Variants in RPS6KA3 observed in about 807,000 individuals in gnomAD.
The protein encoded by RPS6KA3 is ribosomal protein S6 kinase alpha-3.
Under a neutral mutation model 67.2 loss-of-function variants are expected in RPS6KA3, and 4 were observed. The ratio of observed to expected loss-of-function variants is 0.06; its 90% CI spans 0.03 to 0.14. RPS6KA3 has a LOEUF of 0.14. Among genes scored for constraint, RPS6KA3 ranks in the 10% least tolerant of loss-of-function variants. The pLI is 1.00. For synonymous variants in RPS6KA3, 182 were observed against 183.7 expected, an observed-to-expected ratio of 0.99 and a Z score of 0.07; for missense variants, 204 against 559.0, an observed-to-expected ratio of 0.36 and a Z score of 6.40.
intron 17 of RPS6KA3, among the ~76,000 whole-genome samples, 185 bp downstream of exon 17, chrX:20,167,404 C>T (rs1357059064): frequency 9.0e-6 from 1 of 111,554 alleles, no homozygotes; most frequent in Non-Finnish European, 1.9e-5. Flanking sequence ...CATAAACAAG[C>T]TAGGATATCA....
chrX:20,256,172 CAAAAAAAAAA>C (rs35947983), intron 1 of RPS6KA3, among the ~76,000 whole-genome samples: 3 of 14,471 alleles, frequency 2.1e-4, no homozygotes, highest in Admixed American at 2.7e-3. Flanking sequence ...GACACCGTCT[CAAAAAAAAAA>C]AAAAAAAAAA....
rs1225839586 is a variant in RPS6KA3 at position 20,176,327 on chromosome X, G to A, written c.1025C>T (p.Pro342Leu). ...WNKLYRREIH[P>L]PFKPATGRPE... ...CCTGCCCGTTGCAGGTTTAAATGGCGGATGAATTTCTCTTCTATACAGTTT... is the reference window on the plus strand; with the variant it reads ...CCTGCCCGTTGCAGGTTTAAATGGCAGATGAATTTCTCTTCTATACAGTTT... The change falls in exon 13 of 22, where the codon CCG (proline) becomes CTG (leucine). Residue 342 changes from proline to leucine, a missense_variant. Physicochemically the swap from Pro to Leu is moderately conservative, Grantham distance 98. This residue lies in a region of RPS6KA3 where 76 missense variants were observed against 250.3 expected (regional missense o/e 0.30). Coordinates refer to ENST00000379565, the MANE Select transcript of RPS6KA3 (RefSeq NM_004586.3). The A allele has an allele frequency of 8.4e-7, 1 of 1,192,929 alleles. No homozygotes were observed. Among genetic ancestry groups the A allele is most frequent in the Non-Finnish European group, 1.1e-6 (1 of 879,368 alleles).
Position 20,234,711 on chromosome X carries a change from C to T in RPS6KA3, c.126+47G>A, listed in dbSNP as rs1408828217. On this transcript the variant is annotated intron_variant, in intron 2 of 21. Coordinates refer to ENST00000379565, the MANE Select transcript of RPS6KA3 (RefSeq NM_004586.3). The stretch of plus-strand genomic sequence containing the variant: ...CAGCTGAAAAATAATAATAACTTTA[C>T]AGTATTTCATTTATCTATACCCTTT... The T allele has an allele frequency of 9.5e-6, 8 of 844,876 alleles. No homozygotes were observed. The East Asian group carries it at 1.3e-4, about 13-fold the overall frequency. The allele number at this position is 844,876 out of a possible 1,213,427, so 69.6% of individuals were successfully genotyped here.
At chrX:20,256,394 CA>C (rs1229775029) in intron 1 of RPS6KA3, among the ~76,000 whole-genome samples, 2 of 110,112 alleles carry the variant, frequency 1.8e-5, no homozygotes, top group Non-Finnish European at 3.8e-5. Context: ...AAAGAGGATG[CA>C]AAGATAGAGA....
chrX:20,233,964 AATTT>A (rs1422760425), intron 2 of RPS6KA3, among the ~76,000 whole-genome samples: 2 of 112,087 alleles, frequency 1.8e-5, no homozygotes, highest in East Asian at 5.6e-4. Context: ...GGTAGGGAAC[AATTT>A]ATTAATTCAT....
At chrX:20,230,063 C>T (rs2069221480) in intron 2 of RPS6KA3, among the ~76,000 whole-genome samples, 1 of 112,674 alleles carries the variant, frequency 8.9e-6, no homozygotes, top group South Asian at 3.6e-4. Flanking sequence ...ATGAAGTAAA[C>T]TGCCTCAAAT....
Position 20,266,849 on chromosome X carries a change from A to G in RPS6KA3, c.-217T>C. The G allele has an allele frequency of 2.5e-6, 1 of 406,284 alleles. No individual in the cohort carries two copies. The highest frequency in any genetic ancestry group is 1.1e-4 in the South Asian group (1 of 8,802). 33.5% of individuals were successfully genotyped at this position (406,284 alleles called of 1,213,427 possible). On this transcript the variant is annotated 5_prime_UTR_variant, in exon 1 of 22. Transcript: ENST00000379565. ...CCGAAAGCCGCGCGCCTGGCCAGAG[A>G]CGCCCGCGCGCTGAGCGAGAGCCTC...
At chrX:20,173,801 T>C (rs1038656982) in intron 14 of RPS6KA3, among the ~76,000 whole-genome samples, 3 of 112,513 alleles carry the variant, frequency 2.7e-5, no homozygotes, top group African/African-American at 9.7e-5. Context: ...ACAGGATAAC[T>C]GACTCATGAA....
chrX:20,174,562 T>C (rs1445678144), intron 14 of RPS6KA3, among the ~76,000 whole-genome samples: 1 of 108,573 alleles, frequency 9.2e-6, no homozygotes, highest in Non-Finnish European at 1.9e-5. Context: ...TTGGACAGGC[T>C]GGTCTCGAAC....
chrX:20,243,603 A>T (rs1324548444), intron 1 of RPS6KA3, among the ~76,000 whole-genome samples: 1 of 110,823 alleles, frequency 9.0e-6, no homozygotes, highest in Non-Finnish European at 1.9e-5. Context: ...CTCCTGTCTC[A>T]GTCTCCTGAG....
At chrX:20,246,181 T>C (rs1272744844) in intron 1 of RPS6KA3, among the ~76,000 whole-genome samples, 1 of 108,403 alleles carries the variant, frequency 9.2e-6, no homozygotes, top group African/African-American at 3.4e-5. Context: ...CTCTGGAGCC[T>C]GATACATCAA....
At position 20,169,406 on chromosome X, in the gene RPS6KA3, T is replaced by G. The variant is rs1343342088; in HGVS notation, c.1439A>C (p.Lys480Thr). 8.9e-7 allele frequency: 1 copy of G among 1,124,520 alleles called. No homozygotes were observed. Among genetic ancestry groups the G allele is most frequent in the Non-Finnish European group, 1.2e-6 (1 of 815,606 alleles). 92.7% of individuals were successfully genotyped at this position (1,124,520 alleles called of 1,213,427 possible). Residue 480 changes from lysine (K) to threonine (T), a missense_variant, in exon 16 of 22, where the codon AAG becomes ACG. Physicochemically the swap from Lys to Thr is moderately conservative, Grantham distance 78. This residue lies in a region of RPS6KA3 where 73 missense variants were observed against 241.1 expected (regional missense o/e 0.30). Coordinates refer to ENST00000379565, the MANE Select transcript of RPS6KA3 (RefSeq NM_004586.3). ...CATATTAAAGAATCTACTTACATCC[T>G]TTAGAGTGATAATGTTTGGATGCTG... The part of the protein sequence containing the change: ...YGQHPNIITL[K>T]DVYDDGKYVY...
intron 6 of RPS6KA3, among the ~76,000 whole-genome samples, chrX:20,193,935 T>C (rs774190739): frequency 3.6e-5 from 4 of 112,638 alleles, no homozygotes; most frequent in Admixed American, 9.4e-5. Context: ...TAAGGATATC[T>C]TGTTGATACA....
chrX:20,207,351 G>C (rs2068597611), intron 3 of RPS6KA3, among the ~76,000 whole-genome samples: 1 of 112,006 alleles, frequency 8.9e-6, no homozygotes, highest in African/African-American at 3.2e-5. Flanking sequence ...AAATAGAACA[G>C]TTTGAGGCTT....
At chrX:20,187,276 T>A (rs1050773195) in intron 9 of RPS6KA3, among the ~76,000 whole-genome samples, 3 of 110,753 alleles carry the variant, frequency 2.7e-5, no homozygotes, top group Non-Finnish European at 5.7e-5. Context: ...TGGAGTGCAA[T>A]GGCATGATCT....
chrX:20,247,823 A>G (rs1189731700), intron 1 of RPS6KA3, among the ~76,000 whole-genome samples: 1 of 110,861 alleles, frequency 9.0e-6, no homozygotes, highest in East Asian at 2.8e-4. Flanking sequence ...ATCTGAGAAT[A>G]CTTATTCAAA....
intron 2 of RPS6KA3, among the ~76,000 whole-genome samples, chrX:20,227,974 G>C (rs1002616384): frequency 1.8e-5 from 2 of 109,607 alleles, no homozygotes; most frequent in African/African-American, 6.7e-5. Flanking sequence ...ACCTCTTATT[G>C]TTCTACTTTT....
At position 20,164,918 on chromosome X, in the gene RPS6KA3, G is replaced by A; in HGVS notation, c.1745C>T (p.Ala582Val). The A allele has an allele frequency of 8.3e-7, 1 of 1,209,337 alleles. No individual in the cohort carries two copies. Among genetic ancestry groups the A allele is most frequent in the Non-Finnish European group, 1.1e-6 (1 of 893,440 alleles). ...NGLLMTPCYTANFVAPEVLKR... is the reference protein window; with the variant it reads ...NGLLMTPCYTVNFVAPEVLKR... ...AATTACCTCTGGTGCAACAAAATTT[G>A]CAGTGTAACAAGGAGTCATGAGAAG... The change falls in exon 18 of 22, where the codon GCA becomes GTA. Residue 582 changes from alanine (A) to valine (V), a missense_variant. Ala to Val is a moderately conservative substitution (Grantham distance 64). Coordinates refer to ENST00000379565, the MANE Select transcript of RPS6KA3 (RefSeq NM_004586.3).
intron 2 of RPS6KA3, among the ~76,000 whole-genome samples, chrX:20,229,844 G>C (rs2148775120): frequency 8.9e-6 from 1 of 111,968 alleles, no homozygotes; most frequent in African/African-American, 3.2e-5. Flanking sequence ...ATTGCTGGTA[G>C]TATCTTAGTC....
Sources: allele counts gnomAD v4.1 joint callset (sites outside exome capture counted in the v4.1 genomes callset), GRCh38; gene constraint gnomAD v4.1.1; regional missense constraint gnomAD v4.1.1; transcripts MANE v1.5; gene names NCBI Gene and HGNC (gene_info 2026-07-23, HGNC 2026-07-21).